Variants in CDH23 observed in about 807,000 individuals in gnomAD.
The protein encoded by CDH23 is cadherin-23.
A neutral mutation model predicts 317.1 loss-of-function variants in CDH23; 189 were observed. The observed-to-expected ratio is 0.60, with a 90% CI of 0.53 to 0.67. CDH23 has a LOEUF of 0.67. Ranked by LOEUF, CDH23 falls within the 30% of genes least tolerant of loss-of-function variation. CDH23 has a pLI of 0.00. For missense variants in CDH23, 4,401 were observed against 4,592.4 expected, an observed-to-expected ratio of 0.96 and a Z score of 1.20; for synonymous variants, 1,839 against 1,876.8, an observed-to-expected ratio of 0.98 and a Z score of 0.52.
intron 6 of CDH23, among the ~76,000 whole-genome samples, chr10:71,550,573 A>AAG (rs1465109836): frequency 1.7e-4 from 20 of 114,416 alleles, no homozygotes; most frequent in African/African-American, 5.1e-4. Context: ...AAAAAAAAAA[A>AAG]AAAAGAAAAA....
intron 14 of CDH23, among the ~76,000 whole-genome samples, chr10:71,650,462 G>T (rs1000484920): frequency 6.6e-6 from 1 of 152,214 alleles, no homozygotes; most frequent in Non-Finnish European, 1.5e-5. Context: ...GTGTATGGGG[G>T]TGTGTGTAGG....
intron 30 of CDH23, among the ~76,000 whole-genome samples, chr10:71,727,059 C>A (rs773844557): frequency 1.5e-4 from 23 of 152,248 alleles, no homozygotes; most frequent in Non-Finnish European, 2.9e-4. Context: ...CCCCTGAACC[C>A]TGAGGAATAA....
intron 3 of CDH23, among the ~76,000 whole-genome samples, chr10:71,504,220 C>G (rs1056537824): frequency 2.0e-5 from 3 of 152,092 alleles, no homozygotes; most frequent in Non-Finnish European, 4.4e-5. Flanking sequence ...TCTGCCCTTC[C>G]CGACCCCTGG....
chr10:71,812,459 C>A, intron 66 of CDH23, 21 bp from the exon 67 acceptor site: 1 of 1,612,366 alleles, frequency 6.2e-7, no homozygotes, highest in South Asian at 1.1e-5. Context: ...CCTCCCCACC[C>A]TTTTCCCTCC....
intron 9 of CDH23, among the ~76,000 whole-genome samples, chr10:71,596,075 C>T (rs779958719): frequency 1.6e-4 from 24 of 152,136 alleles, no homozygotes; most frequent in South Asian, 8.3e-4. Context: ...CCAAGGGTGG[C>T]GCCTTCTGCC....
At chr10:71,442,703 G>C (rs1294213834) in intron 2 of CDH23, among the ~76,000 whole-genome samples, 1 of 152,188 alleles carries the variant, frequency 6.6e-6, no homozygotes, top group African/African-American at 2.4e-5. Context: ...ATCCTAGACT[G>C]ACTAGCCAGC....
intron 14 of CDH23, among the ~76,000 whole-genome samples, chr10:71,662,653 C>T (rs546544909): frequency 2.0e-5 from 3 of 152,320 alleles, no homozygotes; most frequent in African/African-American, 7.2e-5. Context: ...GTCCCCACAT[C>T]TCTCAGGCCC....
chr10:71,404,856 C>G (rs2131901793), intron 1 of CDH23, among the ~76,000 whole-genome samples: 1 of 152,342 alleles, frequency 6.6e-6, no homozygotes, highest in Middle Eastern at 3.4e-3. Flanking sequence ...AAAGGCCATG[C>G]TCCATTTGGA....
At chr10:71,477,220 G>A (rs568484068) in intron 3 of CDH23, among the ~76,000 whole-genome samples, 46 of 152,294 alleles carry the variant, frequency 3.0e-4, no homozygotes, top group African/African-American at 1.0e-3. Flanking sequence ...CCAGGCTGGA[G>A]TGCATTGGCG....
chr10:71,402,898 C>T (rs1449155078), intron 1 of CDH23, among the ~76,000 whole-genome samples: 6 of 152,192 alleles, frequency 3.9e-5, no homozygotes, highest in Non-Finnish European at 8.8e-5. Flanking sequence ...GGGTGGATCA[C>T]GAGGTCAGCA....
chr10:71,812,543 TGAG>T lies in CDH23; in HGVS notation c.9447_9449del (p.Glu3149del), dbSNP rs759778995. 1 of 1,585,240 alleles carries T rather than the reference TGAG, an allele frequency of 6.3e-7. No homozygotes were observed. Among genetic ancestry groups the T allele is most frequent in the African/African-American group, 1.4e-5 (1 of 73,778 alleles). On this transcript the variant is annotated inframe_deletion, in exon 67 of 70. Transcript: ENST00000224721. ...TGGAGCTGGCCGCCCAGGCGGAGCA[TGAG>T]GATGACCTACCGGAGAACCTGAGTG...
intron 57 of CDH23, 114 bp from the exon 58 acceptor site, chr10:71,807,163 T>G: frequency 7.4e-7 from 1 of 1,342,842 alleles, no homozygotes; most frequent in East Asian, 2.5e-5. Flanking sequence ...CCATAAGGCC[T>G]GGACAGTAAA....
Position 71,570,877 on chromosome 10 carries a change from A to G in CDH23, c.712A>G (p.Asn238Asp), listed in dbSNP as rs1228759893. ...DVQDMDPIFI[N>D]LPYSTNIYEH... ...CCAGGACATGGACCCCATCTTCATC[A>G]ACCTGCCTTACAGCACCAACATCTA... is the stretch of plus-strand genomic sequence containing the variant. Residue 238 changes from asparagine (N) to aspartate (D), a missense_variant, in exon 8 of 70, where the codon AAC becomes GAC. Around this residue, in one of 3 missense-constraint regions of CDH23, gnomAD observed 3,068 missense variants for 3,203.3 expected, o/e 0.96. Coordinates refer to ENST00000224721, the MANE Select transcript of CDH23 (RefSeq NM_022124.6). The G allele has an allele frequency of 6.2e-7, 1 of 1,613,850 alleles. No individual in the cohort carries two copies. Among genetic ancestry groups the G allele is most frequent in the African/African-American group, 1.3e-5 (1 of 74,922 alleles).
intron 38 of CDH23, among the ~76,000 whole-genome samples, chr10:71,759,978 CACAT>C (rs1840283691): frequency 2.5e-5 from 2 of 81,196 alleles, no homozygotes; most frequent in Non-Finnish European, 3.1e-5. Flanking sequence ...TATACACACA[CACAT>C]ATATATACAC....
At chr10:71,778,417 G>C (rs1554872072) in intron 40 of CDH23, 109 bp downstream of exon 40, 8 of 1,403,358 alleles carry the variant, frequency 5.7e-6, no homozygotes, top group Non-Finnish European at 5.8e-6. Flanking sequence ...TGAGGGAAAT[G>C]CCTAAATCCA....
intron 9 of CDH23, among the ~76,000 whole-genome samples, chr10:71,581,090 C>T (rs1393763925): frequency 6.6e-6 from 1 of 152,210 alleles, no homozygotes; most frequent in Non-Finnish European, 1.5e-5. Context: ...GACATTTGGT[C>T]ACAGCCCTCT....
At chr10:71,657,872 T>C (rs1486776757) in intron 14 of CDH23, among the ~76,000 whole-genome samples, 1 of 152,184 alleles carries the variant, frequency 6.6e-6, no homozygotes, top group East Asian at 1.9e-4. Context: ...GAATTCTTTA[T>C]CTGCAGCCTG....
chr10:71,791,033 C>T, intron 46 of CDH23, 99 bp from the exon 47 acceptor site: 1 of 893,540 alleles, frequency 1.1e-6, no homozygotes, highest in South Asian at 1.6e-5. Flanking sequence ...TCCCATGGTG[C>T]CCCTGTCTTT....
chr10:71,438,488 G>C (rs1002467215), intron 1 of CDH23, among the ~76,000 whole-genome samples: 6 of 152,128 alleles, frequency 3.9e-5, no homozygotes, highest in African/African-American at 7.2e-5. Context: ...GGGGACTGTT[G>C]TATGTCGTGT....
Sources: allele counts gnomAD v4.1 joint callset (sites outside exome capture counted in the v4.1 genomes callset), GRCh38; gene constraint gnomAD v4.1.1; regional missense constraint gnomAD v4.1.1; transcripts MANE v1.5; gene names NCBI Gene and HGNC (gene_info 2026-07-23, HGNC 2026-07-21).